Variants in TYW1B observed in about 807,000 individuals in gnomAD.
The protein encoded by TYW1B is tRNA-yW synthesizing protein 1 homolog B.
A neutral mutation model predicts 86.9 loss-of-function variants in TYW1B; 73 were observed. The observed-to-expected ratio is 0.84, with a 90% CI of 0.70 to 1.02. The LOEUF (loss-of-function observed/expected upper bound fraction) is 1.02, where lower values mean the gene tolerates loss of function less well. TYW1B is among the 50% of genes least tolerant of loss of function. TYW1B has a pLI of 0.00. For missense variants in TYW1B, 637 were observed against 827.4 expected (o/e 0.77, Z 2.82); for synonymous variants, 248 against 292.8 (o/e 0.85, Z 1.56).
chr7:72,794,820 CT>C (rs782680796), intron 6 of TYW1B, among the ~76,000 whole-genome samples: 421 of 138,960 alleles, frequency 3.0e-3, no homozygotes, highest in Middle Eastern at 7.4e-3. Context: ...CCCCACTTTT[CT>C]TTTTTTTTTT....
At chr7:72,687,046 C>T (rs1213924601) in intron 11 of TYW1B, among the ~76,000 whole-genome samples, 1 of 152,106 alleles carries the variant, frequency 6.6e-6, no homozygotes, top group African/African-American at 2.4e-5. Context: ...ACAAATAGGA[C>T]AGGAAAAGCA....
intron 7 of TYW1B, among the ~76,000 whole-genome samples, chr7:72,746,504 G>A (rs386714634): frequency 5.9e-5 from 9 of 152,258 alleles, no homozygotes; most frequent in African/African-American, 1.9e-4. Flanking sequence ...AAGTTAATAC[G>A]CTTTGTTCTG....
intron 11 of TYW1B, among the ~76,000 whole-genome samples, chr7:72,638,676 A>G (rs1328846478): frequency 3.9e-5 from 6 of 152,300 alleles, no homozygotes; most frequent in African/African-American, 1.4e-4. Context: ...AAGACAAGAC[A>G]GGGGAATACA....
At chr7:72,649,397 T>C (rs1228257899) in intron 11 of TYW1B, among the ~76,000 whole-genome samples, 3 of 152,148 alleles carry the variant, frequency 2.0e-5, no homozygotes, top group Non-Finnish European at 4.4e-5. Context: ...ATCTACAGAA[T>C]ACTAAACAGA....
Position 72,643,693 on chromosome 7 carries a change from T to C in TYW1B, c.1507-14696A>G, listed in dbSNP as rs1225022362. Among the ~76,000 whole-genome samples the C allele has an allele frequency of 8.5e-5, 13 of 152,190 alleles. 1 individual carries two copies. Among genetic ancestry groups the C allele is most frequent in the Admixed American group, 8.5e-4 (13 of 15,280 alleles). On this transcript the variant is annotated intron_variant, in intron 11 of 13. Coordinates refer to ENST00000620995, the MANE Select transcript of TYW1B (RefSeq NM_001145440.3). ...CAAATTGGCATTTGATATTTGATATTTGGCATTTGAATATTAGGGGCAGTT... is the reference window on the plus strand; with the variant it reads ...CAAATTGGCATTTGATATTTGATATCTGGCATTTGAATATTAGGGGCAGTT...
At chr7:72,750,199 C>T (rs557676271) in intron 7 of TYW1B, among the ~76,000 whole-genome samples, 1 of 152,222 alleles carries the variant, frequency 6.6e-6, no homozygotes, top group African/African-American at 2.4e-5. Flanking sequence ...CTGCACCCAG[C>T]CCTGAATTCA....
chr7:72,733,385 C>G (rs193112275), intron 8 of TYW1B, among the ~76,000 whole-genome samples: 61 of 152,284 alleles, frequency 4.0e-4, no homozygotes, highest in African/African-American at 1.3e-3. Context: ...CTTGGCCGGG[C>G]GCGGTGGCTC....
intron 3 of TYW1B, among the ~76,000 whole-genome samples, chr7:72,812,528 G>A (rs1390837728): frequency 7.2e-5 from 11 of 152,036 alleles, no homozygotes; most frequent in Non-Finnish European, 1.2e-4. Context: ...ATCAAAGTTT[G>A]CTAATAATTT....
intron 11 of TYW1B, among the ~76,000 whole-genome samples, chr7:72,640,331 T>G (rs1394928036): frequency 5.3e-5 from 8 of 152,010 alleles, no homozygotes; most frequent in Non-Finnish European, 1.0e-4. Context: ...TACATGTTAT[T>G]AAAAAGTCCT....
At chr7:72,779,940 CA>C (rs1788022733) in intron 6 of TYW1B, among the ~76,000 whole-genome samples, 2 of 151,130 alleles carry the variant, frequency 1.3e-5, no homozygotes, top group South Asian at 4.2e-4. Context: ...AATCAAAATG[CA>C]AGGCAAATGA....
At chr7:72,655,528 T>C (rs1813180845) in intron 11 of TYW1B, among the ~76,000 whole-genome samples, 1 of 152,098 alleles carries the variant, frequency 6.6e-6, no homozygotes, top group Admixed American at 6.6e-5. Flanking sequence ...CAGAAGGCTG[T>C]AGCAGCACAA....
intron 11 of TYW1B, among the ~76,000 whole-genome samples, chr7:72,653,949 G>A (rs1272432674): frequency 1.1e-4 from 16 of 151,724 alleles, no homozygotes; most frequent in Non-Finnish European, 1.6e-4. Context: ...ATGTGGTGGC[G>A]CACACCTGCA....
chr7:72,769,078 C>T lies in TYW1B; in HGVS notation c.964+8338G>A, dbSNP rs1203850821. 4 of 384,998 alleles carry T rather than the reference C, an allele frequency of 1.0e-5. No individual in the cohort carries two copies. The East Asian group carries it at 2.8e-4, about 27-fold the overall frequency. 23.8% of individuals were successfully genotyped at this position (384,998 alleles called of 1,614,324 possible). A position where few individuals can be genotyped will look rare whatever the true frequency, so the allele number is the denominator to read the frequency against. On this transcript the variant is annotated intron_variant, in intron 7 of 13. Coordinates refer to ENST00000620995, the MANE Select transcript of TYW1B (RefSeq NM_001145440.3). ...TGGGATGGTGCAAGGAACACGGAGG[C>T]TAGTCTGTGGGATGGGCATGCAGCA...
At chr7:72,743,056 T>C (rs1554462771) in intron 8 of TYW1B, among the ~76,000 whole-genome samples, 1 of 152,148 alleles carries the variant, frequency 6.6e-6, no homozygotes, top group East Asian at 1.9e-4. Flanking sequence ...ATAAATTCCA[T>C]GATAAATACA....
At chr7:72,606,431 T>C (rs12532868) in intron 13 of TYW1B, among the ~76,000 whole-genome samples, 17,395 of 147,780 alleles carry the variant, frequency 0.12, 967 homozygotes, top group African/African-American at 0.2. Flanking sequence ...AGAAGGTGAG[T>C]GGGGAATCCT....
chr7:72,723,164 G>A, intron 9 of TYW1B: 1 of 457,596 alleles, frequency 2.2e-6, no homozygotes, highest in South Asian at 8.2e-5. Flanking sequence ...GGGGAAAGGG[G>A]TGGCGAGGGA....
At chr7:72,807,780 A>G (rs1383029650) in intron 4 of TYW1B, among the ~76,000 whole-genome samples, 3 of 152,192 alleles carry the variant, frequency 2.0e-5, no homozygotes, top group Non-Finnish European at 4.4e-5. Flanking sequence ...CAAGATTCGT[A>G]ATTTCCTAAA....
chr7:72,791,476 G>A (rs1554473417), intron 6 of TYW1B, among the ~76,000 whole-genome samples: 2 of 151,890 alleles, frequency 1.3e-5, no homozygotes, highest in African/African-American at 4.8e-5. Context: ...GGGAGCCTTG[G>A]ACTTAAGAAC....
chr7:72,689,331 C>T (rs1814085072), intron 11 of TYW1B, among the ~76,000 whole-genome samples: 1 of 152,160 alleles, frequency 6.6e-6, no homozygotes. Flanking sequence ...GTATCATTAT[C>T]TTATTTTTCT....
Sources: allele counts gnomAD v4.1 joint callset (sites outside exome capture counted in the v4.1 genomes callset), GRCh38; gene constraint gnomAD v4.1.1; transcripts MANE v1.5; gene names NCBI Gene and HGNC (gene_info 2026-07-23, HGNC 2026-07-21).